GALNT16: variants seen among roughly 807,000 people sequenced by gnomAD.
The protein encoded by GALNT16 is polypeptide N-acetylgalactosaminyltransferase 16, also known as UDP-GalNAc:polypeptide N-acetylgalactosaminyltransferase-like protein 1.
Under a neutral mutation model 76.1 loss-of-function variants are expected in GALNT16, and 40 were observed. The observed-to-expected ratio is 0.53, with a 90% CI of 0.41 to 0.68. The LOEUF (loss-of-function observed/expected upper bound fraction) is 0.68. Among genes scored for constraint, GALNT16 ranks in the 30% least tolerant of loss-of-function variants. The probability of loss-of-function intolerance (pLI) is 0.00; values close to 1 mark genes in which losing one functional copy is unlikely to be tolerated. For missense variants in GALNT16, 621 were observed against 731.9 expected (o/e 0.85, Z 1.75); for synonymous variants, 276 against 285.2 (o/e 0.97, Z 0.32).
chr14:69,305,193 G>C (rs1027738197), intron 1 of GALNT16, among the ~76,000 whole-genome samples: 3 of 139,220 alleles, frequency 2.2e-5, no homozygotes, highest in Non-Finnish European at 4.6e-5. Flanking sequence ...TTTTGAGAGA[G>C]AGTCTCACTC....
the GALNT16 span, among the ~76,000 whole-genome samples, chr14:69,366,921 G>A: frequency 6.6e-6 from 1 of 152,238 alleles, no homozygotes; most frequent in South Asian, 2.1e-4. Flanking sequence ...TATAAGCCAT[G>A]TCAGAACATG....
chr14:69,362,200 G>A, the GALNT16 span, among the ~76,000 whole-genome samples: 5 of 152,224 alleles, frequency 3.3e-5, no homozygotes, highest in African/African-American at 1.2e-4. Flanking sequence ...CCAGGGCTAT[G>A]TCCAGCATGG....
Position 69,352,375 on chromosome 14 carries a change from C to T in GALNT16, c.*207C>T, listed in dbSNP as rs1394412183. Reference sequence around the variant, plus strand: ...CCCGATGCCCTCAGTGCTGTCCTGGCCTTGCCCCGGGAGAGGAGATGGTCA... The same window carrying T: ...CCCGATGCCCTCAGTGCTGTCCTGGTCTTGCCCCGGGAGAGGAGATGGTCA... On this transcript the variant is annotated 3_prime_UTR_variant, in exon 15 of 15. Transcript: ENST00000448469. The T allele has an allele frequency of 1.1e-5, 6 of 564,572 alleles. No individual in the cohort carries two copies. In the East Asian group the frequency reaches 1.5e-4, roughly 14 times the overall value. The allele number at this position is 564,572 out of a possible 1,614,324, so 35.0% of individuals were successfully genotyped here.
intron 12 of GALNT16, among the ~76,000 whole-genome samples, chr14:69,345,706 G>A (rs894092708): frequency 2.7e-5 from 4 of 146,320 alleles, no homozygotes; most frequent in African/African-American, 1.1e-4. Context: ...AGGTGTCAGT[G>A]TGTGTGTGTG....
At chr14:69,295,740 C>A (rs933998147) in intron 1 of GALNT16, among the ~76,000 whole-genome samples, 1 of 152,012 alleles carries the variant, frequency 6.6e-6, no homozygotes, top group Non-Finnish European at 1.5e-5. Flanking sequence ...AAAAAATTAA[C>A]ATTAACATTT....
At chr14:69,272,767 C>T (rs74611987) in intron 1 of GALNT16, among the ~76,000 whole-genome samples, 9,478 of 152,214 alleles carry the variant, frequency 0.062, 310 homozygotes, top group Middle Eastern at 0.095. Context: ...ACTTTTTATA[C>T]GTTTAGATAC....
At chr14:69,382,794 G>GAAA in the GALNT16 span, among the ~76,000 whole-genome samples, 2 of 120,072 alleles carry the variant, frequency 1.7e-5, no homozygotes, top group Non-Finnish European at 1.8e-5. Context: ...ATCTCCAAAA[G>GAAA]AAAAAAAAAA....
chr14:69,371,773 A>G, the GALNT16 span, among the ~76,000 whole-genome samples: 2 of 151,048 alleles, frequency 1.3e-5, no homozygotes, highest in Non-Finnish European at 3.0e-5. Flanking sequence ...GTGAAACCCC[A>G]TCTCTACTAA....
the GALNT16 span, among the ~76,000 whole-genome samples, chr14:69,378,626 T>C: frequency 4.6e-4 from 70 of 152,200 alleles, no homozygotes; most frequent in Non-Finnish European, 7.3e-5. Flanking sequence ...CTTTTAATGA[T>C]TCCAAACACT....
intron 1 of GALNT16, among the ~76,000 whole-genome samples, 194 bp from the exon 2 acceptor site, chr14:69,320,515 GAA>G (rs1159490650): frequency 1.0e-4 from 8 of 77,056 alleles, no homozygotes; most frequent in Admixed American, 5.5e-4. Flanking sequence ...AAGAAAAAAA[GAA>G]AAAAAAAGAA....
At chr14:69,328,310 G>A in intron 5 of GALNT16, 140 bp from the exon 6 acceptor site, 1 of 849,508 alleles carries the variant, frequency 1.2e-6, no homozygotes, top group Non-Finnish European at 1.8e-6. Flanking sequence ...GAAACAAGCA[G>A]AAGTATAAAG....
Position 69,328,591 on chromosome 14 carries a change from G to A in GALNT16, c.690+20G>A, listed in dbSNP as rs1409537982. The A allele has an allele frequency of 6.2e-7, 1 of 1,607,568 alleles. No homozygotes were observed. The highest frequency in any genetic ancestry group is 1.1e-5 in the South Asian group (1 of 90,660). ...AAGGAGGTGAGCCACTGTCTCTGGG[G>A]AGCTGGGCGTCCTTGGGGACTCAGC... On this transcript the variant is annotated intron_variant, in intron 6 of 14. Coordinates refer to ENST00000448469, the MANE Select transcript of GALNT16 (RefSeq NM_001168368.2).
At chr14:69,323,593 C>T (rs1292347988) in intron 2 of GALNT16, among the ~76,000 whole-genome samples, 1 of 152,198 alleles carries the variant, frequency 6.6e-6, no homozygotes, top group Non-Finnish European at 1.5e-5. Context: ...AGCTCACTCC[C>T]TCCCCCACAA....
intron 1 of GALNT16, among the ~76,000 whole-genome samples, chr14:69,287,229 T>C (rs1298643347): frequency 6.6e-6 from 1 of 152,226 alleles, no homozygotes. Flanking sequence ...GCCATTGACA[T>C]CATTGTATCT....
At chr14:69,271,576 T>C (rs564730091) in intron 1 of GALNT16, among the ~76,000 whole-genome samples, 1 of 152,346 alleles carries the variant, frequency 6.6e-6, no homozygotes, top group South Asian at 2.1e-4. Context: ...ACCAGTGCAG[T>C]GGTTGCCGGC....
At chr14:69,324,472 G>A (rs1228154822) in intron 2 of GALNT16, among the ~76,000 whole-genome samples, 1 of 152,136 alleles carries the variant, frequency 6.6e-6, no homozygotes, top group African/African-American at 2.4e-5. Context: ...CTCCCAACCT[G>A]CTGCTTCCCT....
chr14:69,310,266 A>G (rs1490795054), intron 1 of GALNT16, among the ~76,000 whole-genome samples: 1 of 150,962 alleles, frequency 6.6e-6, no homozygotes, highest in East Asian at 2.0e-4. Flanking sequence ...GTCTTATGGT[A>G]TATCTTAAAA....
At chr14:69,275,784 T>TG (rs1023793523) in intron 1 of GALNT16, among the ~76,000 whole-genome samples, 1 of 152,344 alleles carries the variant, frequency 6.6e-6, no homozygotes, top group South Asian at 2.1e-4. Context: ...TGCTTGAGTC[T>TG]GGGAGGTCAT....
At chr14:69,280,131 A>G (rs1283401776) in intron 1 of GALNT16, among the ~76,000 whole-genome samples, 2 of 152,232 alleles carry the variant, frequency 1.3e-5, no homozygotes, top group African/African-American at 4.8e-5. Context: ...CATCACTACC[A>G]TTCATCTACA....
Sources: allele counts gnomAD v4.1 joint callset (sites outside exome capture counted in the v4.1 genomes callset), GRCh38; gene constraint gnomAD v4.1.1; transcripts MANE v1.5; gene names NCBI Gene and HGNC (gene_info 2026-07-23, HGNC 2026-07-21).